PARP8: variants seen among roughly 807,000 people sequenced by gnomAD.
PARP8 encodes protein mono-ADP-ribosyltransferase PARP8.
Under a neutral mutation model 124.1 loss-of-function variants are expected in PARP8, and 51 were observed. That is an observed-to-expected ratio of 0.41 (90% CI 0.33 to 0.52). The LOEUF is 0.52. Among genes scored for constraint, PARP8 ranks in the 20% least tolerant of loss-of-function variants. The pLI, the probability that PARP8 is intolerant of heterozygous loss-of-function variation, is 0.21. For missense variants in PARP8, 860 were observed against 1,018.9 expected (o/e 0.84, Z 2.12); for synonymous variants, 391 against 361.5 (o/e 1.08, Z -0.93).
At chr5:50,836,377 G>A (rs149781549) in intron 25 of PARP8, among the ~76,000 whole-genome samples, 1 of 152,082 alleles carries the variant, frequency 6.6e-6, no homozygotes, top group Admixed American at 6.6e-5. Context: ...GATGACCCAT[G>A]AAAAATATTT....
chr5:50,696,053 A>G (rs549783028), intron 2 of PARP8, among the ~76,000 whole-genome samples: 16 of 152,320 alleles, frequency 1.1e-4, no homozygotes, highest in South Asian at 2.1e-4. Context: ...TAATGCTTAT[A>G]AAGGAGAGAG....
rs1350301260 is a variant in PARP8 at position 50,826,739 on chromosome 5, A to G, written c.1929-16A>G. On this transcript the variant is annotated splice_polypyrimidine_tract_variant and intron_variant, in intron 18 of 25. Coordinates refer to ENST00000281631, the MANE Select transcript of PARP8 (RefSeq NM_024615.4). ...TTTGGCATGTATTTGTGACTAATGG[A>G]TCATTTTAATTTCAGGGTTATATCA... is the stretch of plus-strand genomic sequence containing the variant. The G allele has an allele frequency of 1.3e-6, 2 of 1,577,222 alleles. No homozygotes were observed. Among genetic ancestry groups the G allele is most frequent in the Non-Finnish European group, 1.7e-6 (2 of 1,168,224 alleles).
intron 2 of PARP8, among the ~76,000 whole-genome samples, chr5:50,741,542 A>G (rs1758041012): frequency 6.6e-6 from 1 of 152,188 alleles, no homozygotes; most frequent in Non-Finnish European, 1.5e-5. Context: ...CAGACATTTA[A>G]CTTACAGTGT....
In PARP8 at chr5:50,795,043, C is replaced by T; in HGVS notation, c.1054C>T (p.Gln352Ter). 6.2e-7 allele frequency: 1 copy of T among 1,614,202 alleles called. No homozygotes were observed. The highest frequency in any genetic ancestry group is 8.5e-7 in the Non-Finnish European group (1 of 1,180,036). The change falls in exon 12 of 26, where the codon CAG (glutamine) becomes TAG (stop). Residue 352 changes from glutamine (Q) to a stop codon, truncating the protein, a stop_gained. Transcript: ENST00000281631. LOFTEE classifies it high-confidence loss of function. ...RSLSSDPRAEQAMTAIKSHKL... is the reference protein window; with the variant it reads ...RSLSSDPRAE ...CTTGTCCAGCGATCCCAGGGCGGAG[C>T]AGGCTATGACAGCAATTAAATCGCA...
In PARP8 at chr5:50,824,917, C is replaced by T; in HGVS notation, c.1870C>T (p.Leu624=). ...SIREMTQAPY[L]EIKKQMDKQD... ...AATGACTTTTTTTCAGGCACCATAT[C>T]TGGAAATCAAGAAGCAAATGGATAA... The change falls in exon 18 of 26, where the codon CTG becomes TTG. Residue 624 remains leucine, a synonymous_variant. Transcript: ENST00000281631. 1.2e-6 allele frequency: 2 copies of T among 1,612,716 alleles called. No homozygotes were observed. Among genetic ancestry groups the T allele is most frequent in the Middle Eastern group, 1.7e-4 (1 of 6,060 alleles).
chr5:50,747,163 G>GTTTTTTTTTTTTTTTTTTTTTTTTTT (rs1211253892), intron 2 of PARP8, among the ~76,000 whole-genome samples: 98 of 95,494 alleles, frequency 1.0e-3, no homozygotes, highest in Non-Finnish European at 1.5e-3. Context: ...TGTTTGTTTT[G>GTTTTTTTTTTTTTTTTTTTTTTTTTT]TTTTTTTTTT....
At chr5:50,829,820 G>A in intron 21 of PARP8, 72 bp from the exon 22 acceptor site, 1 of 1,402,948 alleles carries the variant, frequency 7.1e-7, no homozygotes, top group South Asian at 1.6e-5. Flanking sequence ...ACATGAAACT[G>A]ATTGCTTTGT....
At chr5:50,686,095 GTC>G (rs1751828560) in intron 2 of PARP8, among the ~76,000 whole-genome samples, 1 of 152,170 alleles carries the variant, frequency 6.6e-6, no homozygotes, top group Non-Finnish European at 1.5e-5. Context: ...CCAGTCCAAA[GTC>G]TCATCCAAGA....
chr5:50,685,520 G>A (rs1490474522), intron 2 of PARP8, among the ~76,000 whole-genome samples: 1 of 152,186 alleles, frequency 6.6e-6, no homozygotes, highest in African/African-American at 2.4e-5. Context: ...CATCTCTAGA[G>A]TCAGGAGTAA....
intron 2 of PARP8, among the ~76,000 whole-genome samples, chr5:50,674,895 A>G (rs1374663883): frequency 2.0e-5 from 3 of 152,258 alleles, no homozygotes; most frequent in Non-Finnish European, 1.5e-5. Context: ...GAGTGAGAAT[A>G]TGAGTAGAAC....
At chr5:50,671,981 T>C (rs773825552) in intron 2 of PARP8, among the ~76,000 whole-genome samples, 13 of 152,182 alleles carry the variant, frequency 8.5e-5, no homozygotes, top group Non-Finnish European at 1.9e-4. Flanking sequence ...TCCGTCTAGA[T>C]AAATAGCACG....
chr5:50,803,115 G>A (rs113477591), intron 14 of PARP8, among the ~76,000 whole-genome samples: 5 of 152,276 alleles, frequency 3.3e-5, no homozygotes, highest in African/African-American at 9.6e-5. Flanking sequence ...TGTGATGGAG[G>A]AGGATTTGTG....
chr5:50,682,629 T>A (rs1247577571), intron 2 of PARP8, among the ~76,000 whole-genome samples: 6 of 152,154 alleles, frequency 3.9e-5, no homozygotes, highest in Non-Finnish European at 5.9e-5. Context: ...GTCCCTTTAA[T>A]CTTTCCCCTG....
intron 12 of PARP8, among the ~76,000 whole-genome samples, chr5:50,796,016 T>G (rs1742503568): frequency 6.6e-6 from 1 of 152,194 alleles, no homozygotes; most frequent in South Asian, 2.1e-4. Context: ...CTTCAATAAT[T>G]TAAGTCCTTT....
In PARP8 at chr5:50,821,262, G is replaced by T; in HGVS notation, c.1718G>T (p.Arg573Ile). Residue 573 changes from arginine (R) to isoleucine (I), a missense_variant, in exon 16 of 26, where the codon AGA becomes ATA. By Grantham distance (97) the Arg-to-Ile change is moderately conservative. Coordinates refer to ENST00000281631, the MANE Select transcript of PARP8 (RefSeq NM_024615.4). Reference sequence around the variant, plus strand: ...TGTAGGTCTGCGTTGGAATCTCCTAGAAAAGTTGTGATTTTCGAGCCATAT... The same window carrying T: ...TGTAGGTCTGCGTTGGAATCTCCTATAAAAGTTGTGATTTTCGAGCCATAT... The part of the protein sequence containing the change: ...SMCRSALESP[R>I]KVVIFEPYPS... The T allele has an allele frequency of 6.2e-7, 1 of 1,612,118 alleles. No homozygotes were observed. Among genetic ancestry groups the T allele is most frequent in the Admixed American group, 1.7e-5 (1 of 59,892 alleles).
At chr5:50,722,632 G>T (rs183376969) in intron 2 of PARP8, among the ~76,000 whole-genome samples, 1 of 152,088 alleles carries the variant, frequency 6.6e-6, no homozygotes, top group Non-Finnish European at 1.5e-5. Flanking sequence ...TTCTCAGACC[G>T]TTGGGCCCCT....
At chr5:50,687,750 TAAC>T (rs1361396287) in intron 2 of PARP8, among the ~76,000 whole-genome samples, 2 of 152,118 alleles carry the variant, frequency 1.3e-5, no homozygotes, top group Non-Finnish European at 2.9e-5. Flanking sequence ...CCCCGTATAA[TAAC>T]TATCAGATCT....
At chr5:50,747,948 G>A (rs1300510828) in intron 2 of PARP8, among the ~76,000 whole-genome samples, 1 of 150,374 alleles carries the variant, frequency 6.7e-6, no homozygotes, top group African/African-American at 2.4e-5. Flanking sequence ...AATTTTTTTT[G>A]TATTTTTAGT....
At chr5:50,685,659 G>A (rs1029188127) in intron 2 of PARP8, among the ~76,000 whole-genome samples, 1 of 152,166 alleles carries the variant, frequency 6.6e-6, no homozygotes, top group African/African-American at 2.4e-5. Flanking sequence ...TACTGTCTTA[G>A]TCTGTTTTCA....
Sources: allele counts gnomAD v4.1 joint callset (sites outside exome capture counted in the v4.1 genomes callset), GRCh38; gene constraint gnomAD v4.1.1; transcripts MANE v1.5; gene names NCBI Gene and HGNC (gene_info 2026-07-23, HGNC 2026-07-21).